Variants in FAM217A observed in about 807,000 individuals in gnomAD.
FAM217A encodes protein FAM217A.
In FAM217A, 13 loss-of-function variants were observed where a neutral mutation model predicts 18.5. The ratio of observed to expected loss-of-function variants is 0.70; its 90% CI spans 0.46 to 1.12. FAM217A has a LOEUF of 1.12. Among genes scored for constraint, FAM217A ranks in the 50% most tolerant of loss-of-function variants. The pLI, the probability that FAM217A is intolerant of heterozygous loss-of-function variation, is 0.00. For synonymous variants in FAM217A, 161 were observed against 202.8 expected, an observed-to-expected ratio of 0.79 and a Z score of 1.75; for missense variants, 560 against 575.4, an observed-to-expected ratio of 0.97 and a Z score of 0.27.
At chr6:4,070,650 CTTGTTTCTTTTTAAGCCAGTTGACAT>C (rs1337498250) in intron 6 of FAM217A, among the ~76,000 whole-genome samples, 4 of 152,162 alleles carry the variant, frequency 2.6e-5, no homozygotes, top group Non-Finnish European at 4.4e-5. Flanking sequence ...TTGATATCCT[CTTGTTTCTTTTTAAGCCAGTTGACAT>C]TAAAGATAAC....
In FAM217A at chr6:4,069,875, A is replaced by G. The variant is rs776311398; in HGVS notation, c.348T>C (p.Asn116=). The part of the protein sequence containing the change: ...SSVETGFNVI[N]HPIRVFTLNH... ...TCAGAGTGAAGACCCTTATAGGATG[A>G]TTGATTACATTAAAGCCAGTTTCCA... The change falls in exon 7 of 7, where the codon AAT becomes AAC. Residue 116 remains asparagine (N), a synonymous_variant. Transcript: ENST00000274673. The G allele has an allele frequency of 6.2e-7, 1 of 1,600,238 alleles. No individual in the cohort carries two copies. Among genetic ancestry groups the G allele is most frequent in the Non-Finnish European group, 8.5e-7 (1 of 1,174,542 alleles).
upstream of FAM217A, among the ~76,000 whole-genome samples, chr6:4,081,478 A>AT (rs1270217092): frequency 5.9e-5 from 9 of 151,868 alleles, no homozygotes; most frequent in Admixed American, 1.3e-4. Context: ...CGCCCGGCTA[A>AT]TTTTTTGTAT....
chr6:4,069,574 T>C lies in FAM217A; in HGVS notation c.649A>G (p.Ser217Gly). ...TTCAGGTCCACCTTTTTAAAATAGC[T>C]GAGTAAAGTATCATTTGTCTTCTCA... is the stretch of plus-strand genomic sequence containing the variant. ...ENEKTNDTLL[S>G]YFKKVDLNLK... Residue 217 changes from serine (S) to glycine (G), a missense_variant, in exon 7 of 7, where the codon AGC becomes GGC. By Grantham distance (56) the Ser-to-Gly change is moderately conservative. Transcript: ENST00000274673. 1.9e-6 allele frequency: 3 copies of C among 1,614,074 alleles called. No individual in the cohort carries two copies. Among genetic ancestry groups the C allele is most frequent in the Non-Finnish European group, 2.5e-6 (3 of 1,179,994 alleles).
intron 2 of FAM217A, among the ~76,000 whole-genome samples, chr6:4,075,165 C>T (rs1252484758): frequency 6.6e-6 from 1 of 151,980 alleles, no homozygotes; most frequent in East Asian, 1.9e-4. Context: ...GAAACCCTGT[C>T]TCCAATAAAA....
intron 1 of FAM217A, among the ~76,000 whole-genome samples, chr6:4,085,678 A>G (rs944552865): frequency 2.0e-5 from 3 of 152,208 alleles, no homozygotes; most frequent in African/African-American, 7.2e-5. Flanking sequence ...TCTCCCCACC[A>G]AAAACACCTG....
intron 6 of FAM217A, among the ~76,000 whole-genome samples, chr6:4,072,877 T>C (rs967975751): frequency 8.5e-5 from 13 of 152,246 alleles, no homozygotes; most frequent in Non-Finnish European, 1.9e-4. Context: ...CATGCCTCAG[T>C]GTCCTCATCT....
At chr6:4,072,172 C>A (rs1427257745) in intron 6 of FAM217A, among the ~76,000 whole-genome samples, 1 of 151,944 alleles carries the variant, frequency 6.6e-6, no homozygotes, top group Non-Finnish European at 1.5e-5. Context: ...AAAACCCCAT[C>A]TCTACTAAAA....
intron 1 of FAM217A, chr6:4,084,848 T>G (rs1286941975): frequency 2.9e-6 from 2 of 698,228 alleles, no homozygotes; most frequent in South Asian, 3.0e-5. Context: ...TACCTAAAAG[T>G]CATGAATAAA....
At position 4,077,426 on chromosome 6, in the gene FAM217A, T is replaced by C. The variant is rs1455852505; in HGVS notation, c.-12A>G. 6.2e-7 allele frequency: 1 copy of C among 1,614,174 alleles called. No homozygotes were observed. The highest frequency in any genetic ancestry group is 1.3e-5 in the African/African-American group (1 of 75,062). On this transcript the variant is annotated 5_prime_UTR_variant, in exon 2 of 7. Coordinates refer to ENST00000274673, the MANE Select transcript of FAM217A (RefSeq NM_173563.3). ...TTTCTTCTCCCCATTTTGTTGTAGC[T>C]GTTGCTCTGTTTCCTTAAAATCCTA...
chr6:4,073,721 C>G (rs1769574536), intron 4 of FAM217A, among the ~76,000 whole-genome samples: 1 of 152,116 alleles, frequency 6.6e-6, no homozygotes, highest in Non-Finnish European at 1.5e-5. Context: ...ACTAATAAGA[C>G]TTGAATATCA....
chr6:4,080,579 T>C (rs9405219), upstream of FAM217A, among the ~76,000 whole-genome samples: 48,434 of 151,986 alleles, frequency 0.32, 8,630 homozygotes, highest in African/African-American at 0.48. Flanking sequence ...GGGCCCTCTC[T>C]TCCTTCGGCT....
chr6:4,079,820 C>A, upstream of FAM217A: 1 of 340,294 alleles, frequency 2.9e-6, no homozygotes, highest in Non-Finnish European at 4.7e-6. Flanking sequence ...TCAGGTCCGT[C>A]GTCGGCCTTT....
In FAM217A at chr6:4,069,739, T is replaced by G. The variant is rs745907233; in HGVS notation, c.484A>C (p.Arg162=). ...CATGAACTAACATGAATCTCATTTC[T>G]GTTCTTAAAAAAGTCTCCATCAGCA... ...PYADGDFFKN[R]NEIHVSSCST... The change falls in exon 7 of 7, where the codon AGA becomes CGA. Residue 162 remains arginine (R), a synonymous_variant. Coordinates refer to ENST00000274673, the MANE Select transcript of FAM217A (RefSeq NM_173563.3). The G allele has an allele frequency of 6.2e-7, 1 of 1,614,184 alleles. No individual in the cohort carries two copies. The highest frequency in any genetic ancestry group is 1.7e-5 in the Admixed American group (1 of 60,026).
upstream of FAM217A, among the ~76,000 whole-genome samples, chr6:4,083,375 G>A (rs910867732): frequency 1.1e-4 from 17 of 152,118 alleles, no homozygotes; most frequent in African/African-American, 4.1e-4. Context: ...ACATTACTTA[G>A]TTTCTAATTA....
upstream of FAM217A, among the ~76,000 whole-genome samples, chr6:4,082,569 A>G (rs1288005992): frequency 1.3e-5 from 2 of 152,356 alleles, no homozygotes; most frequent in East Asian, 3.9e-4. Context: ...TAAAGAAATT[A>G]TCTGACCCCC....
chr6:4,083,538 C>CTTTCT (rs150700134), upstream of FAM217A, among the ~76,000 whole-genome samples: 1 of 150,390 alleles, frequency 6.6e-6, no homozygotes, highest in East Asian at 1.9e-4. Flanking sequence ...CTTTTTGTTT[C>CTTTCT]TTTCTTTTCT....
At chr6:4,073,988 C>T (rs2113866267) in intron 4 of FAM217A, among the ~76,000 whole-genome samples, 1 of 152,156 alleles carries the variant, frequency 6.6e-6, no homozygotes, top group East Asian at 1.9e-4. Flanking sequence ...GTAGCTGGGA[C>T]TACAGCTATG....
chr6:4,069,073 G>C lies in FAM217A; in HGVS notation c.1150C>G (p.Leu384Val). ...AGKYRWNSRPLSLKSSSTPKQ... is the reference protein window; with the variant it reads ...AGKYRWNSRPVSLKSSSTPKQ... Reference sequence around the variant, plus strand: ...GGGGTGGAAGAACTTTTTAGAGACAGTGGTCTAGAATTCCATCTATATTTG... The same window carrying C: ...GGGGTGGAAGAACTTTTTAGAGACACTGGTCTAGAATTCCATCTATATTTG... The change falls in exon 7 of 7, where the codon CTG becomes GTG. Residue 384 changes from leucine (L) to valine (V), a missense_variant. Leu to Val is a conservative substitution (Grantham distance 32, BLOSUM62 1). Coordinates refer to ENST00000274673, the MANE Select transcript of FAM217A (RefSeq NM_173563.3). The C allele has an allele frequency of 6.2e-7, 1 of 1,614,164 alleles. No individual in the cohort carries two copies. The highest frequency in any genetic ancestry group is 8.5e-7 in the Non-Finnish European group (1 of 1,180,014).
intron 1 of FAM217A, among the ~76,000 whole-genome samples, chr6:4,086,144 G>A (rs1371501808): frequency 6.6e-6 from 1 of 151,434 alleles, no homozygotes; most frequent in Non-Finnish European, 1.5e-5. Context: ...GGGAAAAAAG[G>A]AAAAAAGAGA....
Sources: allele counts gnomAD v4.1 joint callset (sites outside exome capture counted in the v4.1 genomes callset), GRCh38; gene constraint gnomAD v4.1.1; transcripts MANE v1.5; gene names NCBI Gene and HGNC (gene_info 2026-07-23, HGNC 2026-07-21).